Variants in ADCY8 observed in about 807,000 individuals in gnomAD.
The protein encoded by ADCY8 is adenylate cyclase 8.
In ADCY8, 51 loss-of-function variants were observed where a neutral mutation model predicts 119.7. That is an observed-to-expected ratio of 0.43 (90% CI 0.34 to 0.54). The LOEUF (loss-of-function observed/expected upper bound fraction) is 0.54. Ranked by LOEUF, ADCY8 falls within the 20% of genes least tolerant of loss-of-function variation. The pLI, the probability that ADCY8 is intolerant of heterozygous loss-of-function variation, is 0.03. For synonymous variants in ADCY8, 665 were observed against 651.0 expected, an observed-to-expected ratio of 1.02 and a Z score of -0.33; for missense variants, 1,383 against 1,598.8, an observed-to-expected ratio of 0.87 and a Z score of 2.30.
At chr8:130,911,002 A>G (rs7461282) in intron 5 of ADCY8, among the ~76,000 whole-genome samples, 88,834 of 152,012 alleles carry the variant, frequency 0.58, 27,542 homozygotes, top group East Asian at 0.69. Flanking sequence ...CAGACTTAAA[A>G]GTGAGCTATT....
chr8:130,828,164 G>C (rs1014262982), intron 12 of ADCY8, among the ~76,000 whole-genome samples: 1 of 152,128 alleles, frequency 6.6e-6, no homozygotes, highest in African/African-American at 2.4e-5. Context: ...TCCTATTGTA[G>C]TTTCCTCCTT....
At chr8:130,882,118 G>GTTTTT (rs35806429) in intron 8 of ADCY8, among the ~76,000 whole-genome samples, 2 of 133,052 alleles carry the variant, frequency 1.5e-5, no homozygotes, top group African/African-American at 5.7e-5. Context: ...CCATATTGAG[G>GTTTTT]TTTTTTTTTT....
In ADCY8 at chr8:131,002,960, G is replaced by T. The variant is rs139906546; in HGVS notation, c.961-12418C>A. 9.9e-4 allele frequency among the ~76,000 whole-genome samples: 151 copies of T among 152,284 alleles called. 1 individual carries two copies. The highest frequency in any genetic ancestry group is 2.9e-3 in the African/African-American group (122 of 41,560). ...CTCACGCCTGCATCCCAGCACTTTG[G>T]ATGGCCAAGGCAGGTGCATCACCTG... On this transcript the variant is annotated intron_variant, in intron 1 of 17. Transcript: ENST00000286355.
chr8:130,840,730 C>T (rs1817113438), intron 11 of ADCY8, among the ~76,000 whole-genome samples: 1 of 152,028 alleles, frequency 6.6e-6, no homozygotes, highest in South Asian at 2.1e-4. Context: ...TGGGGTAAAT[C>T]CCTGTACTCC....
At position 131,011,796 on chromosome 8, in the gene ADCY8, C is replaced by A. The variant is rs1025623605; in HGVS notation, c.961-21254G>T. On this transcript the variant is annotated intron_variant, in intron 1 of 17. Transcript: ENST00000286355. ...GGATCCTCTGGTTCCAACACTGACT[C>A]TACCCCCCAGAAGCTGATGCCCAGG... Among the ~76,000 whole-genome samples the A allele has an allele frequency of 1.2e-4, 19 of 152,258 alleles. No homozygotes were observed. In the East Asian group the frequency reaches 3.7e-3, roughly 30 times the overall value.
At chr8:130,807,459 G>A (rs377420126) in intron 14 of ADCY8, among the ~76,000 whole-genome samples, 1 of 152,204 alleles carries the variant, frequency 6.6e-6, no homozygotes, top group African/African-American at 2.4e-5. Flanking sequence ...TTTAGGAGGT[G>A]ACTAAGTGAT....
chr8:130,789,860 A>G (rs1031548118), intron 15 of ADCY8, among the ~76,000 whole-genome samples: 7 of 152,082 alleles, frequency 4.6e-5, no homozygotes, highest in African/African-American at 1.7e-4. Context: ...CTTCAGTCCT[A>G]CTGACTCAGA....
intron 11 of ADCY8, among the ~76,000 whole-genome samples, chr8:130,842,851 A>C (rs958854284): frequency 1.3e-5 from 2 of 150,442 alleles, no homozygotes. Context: ...CAGCCTGAGC[A>C]ACAGAGTGAC....
chr8:130,866,630 A>G (rs1294520208), intron 9 of ADCY8, among the ~76,000 whole-genome samples: 3 of 152,190 alleles, frequency 2.0e-5, no homozygotes, highest in East Asian at 3.8e-4. Context: ...AGTGAAATCA[A>G]AACCTTTTCT....
chr8:131,002,591 A>C (rs1475779939), intron 1 of ADCY8, among the ~76,000 whole-genome samples: 2 of 152,204 alleles, frequency 1.3e-5, no homozygotes, highest in African/African-American at 4.8e-5. Context: ...AAAGAATTAT[A>C]AATAGTTCAT....
chr8:130,990,248 A>G (rs1822532311), intron 2 of ADCY8, 145 bp downstream of exon 2: 1 of 1,057,418 alleles, frequency 9.5e-7, no homozygotes, highest in East Asian at 2.5e-5. Flanking sequence ...GTCTAACACA[A>G]CTATTTCAGA....
At chr8:131,007,694 A>G (rs1294810964) in intron 1 of ADCY8, among the ~76,000 whole-genome samples, 1 of 152,358 alleles carries the variant, frequency 6.6e-6, no homozygotes, top group Non-Finnish European at 1.5e-5. Flanking sequence ...AAACATTTAC[A>G]AATTTCTAAT....
At chr8:130,793,792 C>T (rs1815496039) in intron 15 of ADCY8, among the ~76,000 whole-genome samples, 1 of 152,150 alleles carries the variant, frequency 6.6e-6, no homozygotes, top group Non-Finnish European at 1.5e-5. Context: ...ATAAGTGCAC[C>T]TCTCCCTTCC....
chr8:130,843,489 C>T (rs182319006), intron 11 of ADCY8, among the ~76,000 whole-genome samples: 2 of 152,316 alleles, frequency 1.3e-5, no homozygotes, highest in African/African-American at 4.8e-5. Context: ...CCTTGGTTTC[C>T]TCTTCCTGAG....
chr8:130,863,011 T>C (rs912656074), intron 9 of ADCY8, among the ~76,000 whole-genome samples: 6 of 152,262 alleles, frequency 3.9e-5, no homozygotes, highest in Non-Finnish European at 7.3e-5. Context: ...ATTCAGGTTA[T>C]CTATATCTCT....
At chr8:130,846,312 C>T (rs1817294301) in intron 11 of ADCY8, among the ~76,000 whole-genome samples, 1 of 152,086 alleles carries the variant, frequency 6.6e-6, no homozygotes, top group Admixed American at 6.5e-5. Context: ...GAATAACAGA[C>T]CCCATAGGCT....
chr8:130,869,061 TTAGTGTCA>T (rs2130395030), intron 8 of ADCY8, among the ~76,000 whole-genome samples: 1 of 152,360 alleles, frequency 6.6e-6, no homozygotes, highest in South Asian at 2.1e-4. Context: ...ACCCCACTTC[TTAGTGTCA>T]TAGCTAAGGT....
chr8:130,836,435 C>T lies in ADCY8; in HGVS notation c.2517G>A (p.Thr839=), dbSNP rs755447347. The T allele has an allele frequency of 6.2e-6, 10 of 1,613,298 alleles. No individual in the cohort carries two copies. Among genetic ancestry groups the T allele is most frequent in the Admixed American group, 3.3e-5 (2 of 59,962 alleles). Residue 839 remains threonine, a synonymous_variant, in exon 12 of 18, where the codon ACG becomes ACA. Coordinates refer to ENST00000286355, the MANE Select transcript of ADCY8 (RefSeq NM_001115.3). ...ICSYPEYFVF[T]GVLAMVTCAV... is the part of the protein sequence containing the mutation. ...CACAGGTCACCATGGCCAACACCCC[C>T]GTGAAGACAAAGTACTGGAAACAGA...
chr8:130,796,787 A>C (rs1449419812), intron 15 of ADCY8, among the ~76,000 whole-genome samples: 7 of 111,248 alleles, frequency 6.3e-5, no homozygotes, highest in East Asian at 2.8e-4. Flanking sequence ...TCCTCTTTTC[A>C]TCCTTCTTCT....
Sources: gnomAD v4.1 joint callset for allele counts (sites outside exome capture counted in the v4.1 genomes callset) on GRCh38, gnomAD v4.1.1 for gene constraint, MANE v1.5 for transcripts, NCBI Gene and HGNC (gene_info 2026-07-23, HGNC 2026-07-21) for gene names.